VPS41: variants seen among roughly 807,000 people sequenced by gnomAD.
VPS41 encodes VPS41 subunit of HOPS complex.
Under a neutral mutation model 130.9 loss-of-function variants are expected in VPS41, and 85 were observed. The ratio of observed to expected loss-of-function variants is 0.65; its 90% CI spans 0.55 to 0.78. The LOEUF is 0.78. VPS41 is among the 30% of genes least tolerant of loss of function. The probability of loss-of-function intolerance (pLI) is 0.00; values close to 1 mark genes in which losing one functional copy is unlikely to be tolerated. For missense variants in VPS41, 874 were observed against 1,018.7 expected (o/e 0.86, Z 1.93); for synonymous variants, 335 against 332.9 (o/e 1.01, Z -0.07).
intron 4 of VPS41, among the ~76,000 whole-genome samples, chr7:38,841,332 A>G (rs1196676827): frequency 6.6e-6 from 1 of 152,228 alleles, no homozygotes; most frequent in Non-Finnish European, 1.5e-5. Flanking sequence ...ATTGATGAGA[A>G]AAGATACTTC....
At chr7:38,836,994 G>GT (rs1387235075) in intron 4 of VPS41, among the ~76,000 whole-genome samples, 1 of 152,128 alleles carries the variant, frequency 6.6e-6, no homozygotes, top group Non-Finnish European at 1.5e-5. Flanking sequence ...AGTTTCTTTT[G>GT]TAAGATACTA....
intron 2 of VPS41, among the ~76,000 whole-genome samples, chr7:38,897,561 T>A (rs1787031830): frequency 6.7e-6 from 1 of 149,050 alleles, no homozygotes; most frequent in Non-Finnish European, 1.5e-5. Flanking sequence ...AGGAGAATGG[T>A]GTGAACCTGG....
intron 17 of VPS41, among the ~76,000 whole-genome samples, chr7:38,760,798 T>C (rs1783895426): frequency 6.6e-6 from 1 of 152,126 alleles, no homozygotes; most frequent in Non-Finnish European, 1.5e-5. Context: ...AATAACTCCA[T>C]TAATACTTTA....
At chr7:38,858,101 C>T (rs1433470823) in intron 4 of VPS41, among the ~76,000 whole-genome samples, 2 of 152,256 alleles carry the variant, frequency 1.3e-5, no homozygotes, top group South Asian at 2.1e-4. Flanking sequence ...ATACGGCAAA[C>T]GTTTCCTATT....
Position 38,726,958 on chromosome 7 carries a change from A to C in VPS41, c.2435T>G (p.Phe812Cys). 6.3e-7 allele frequency: 1 copy of C among 1,592,748 alleles called. No individual in the cohort carries two copies. Among genetic ancestry groups the C allele is most frequent in the Non-Finnish European group, 8.6e-7 (1 of 1,169,428 alleles). ...CTTGTGGAACATGTGCCGGCAATGG[A>C]AGACCACCACGCTGAAGGGCTTAGC... ...DAAKPFSVVV[F>C]HCRHMFHKEC... is the part of the protein sequence containing the mutation. The change falls in exon 28 of 29, where the codon TTC becomes TGC. Residue 812 changes from phenylalanine to cysteine, a missense_variant. Phe to Cys is a radical substitution (Grantham distance 205). Coordinates refer to ENST00000310301, the MANE Select transcript of VPS41 (RefSeq NM_014396.4).
intron 4 of VPS41, among the ~76,000 whole-genome samples, chr7:38,862,310 T>C (rs1309604761): frequency 6.6e-6 from 1 of 152,178 alleles, no homozygotes. Flanking sequence ...GGAGTTTGCA[T>C]ATAAAAGATA....
At chr7:38,834,023 T>C (rs1785441187) in intron 4 of VPS41, among the ~76,000 whole-genome samples, 2 of 152,036 alleles carry the variant, frequency 1.3e-5, no homozygotes, top group South Asian at 4.2e-4. Flanking sequence ...TAATTTTCTA[T>C]ATTGATAAAA....
chr7:38,855,451 A>T (rs1318024765), intron 4 of VPS41, among the ~76,000 whole-genome samples: 1 of 152,204 alleles, frequency 6.6e-6, no homozygotes, highest in African/African-American at 2.4e-5. Context: ...GCAGCCAAAG[A>T]AAGCAACAAA....
At chr7:38,774,474 A>G (rs1431263252) in intron 11 of VPS41, among the ~76,000 whole-genome samples, 4 of 152,170 alleles carry the variant, frequency 2.6e-5, no homozygotes, top group African/African-American at 4.8e-5. Flanking sequence ...AATAGCAACT[A>G]TAAAAGATCA....
intron 7 of VPS41, among the ~76,000 whole-genome samples, chr7:38,799,393 G>A (rs1001490408): frequency 7.2e-5 from 11 of 152,044 alleles, no homozygotes; most frequent in African/African-American, 2.4e-4. Flanking sequence ...GAATTCATAT[G>A]GTAACCAGAG....
intron 17 of VPS41, among the ~76,000 whole-genome samples, chr7:38,760,265 C>G (rs2214666): frequency 1.6e-4 from 24 of 152,082 alleles, no homozygotes; most frequent in Non-Finnish European, 2.6e-4. Flanking sequence ...AAAACATCCA[C>G]GTTATTAAAT....
At chr7:38,738,932 C>T (rs1206406745) in intron 25 of VPS41, among the ~76,000 whole-genome samples, 1 of 152,192 alleles carries the variant, frequency 6.6e-6, no homozygotes, top group East Asian at 1.9e-4. Context: ...TGCTAACCTT[C>T]GGTTGAAGAG....
chr7:38,743,273 G>T, intron 24 of VPS41, 129 bp downstream of exon 24: 2 of 972,228 alleles, frequency 2.1e-6, no homozygotes, highest in South Asian at 1.6e-5. Flanking sequence ...AACACACCTG[G>T]CCTATTTTTA....
intron 5 of VPS41, among the ~76,000 whole-genome samples, chr7:38,823,140 G>A (rs1562599324): frequency 6.6e-6 from 1 of 152,194 alleles, no homozygotes; most frequent in Admixed American, 6.5e-5. Flanking sequence ...GGCCTTTAGT[G>A]AGTGATTAAA....
At chr7:38,897,026 T>A (rs957683090) in intron 2 of VPS41, among the ~76,000 whole-genome samples, 3 of 151,776 alleles carry the variant, frequency 2.0e-5, no homozygotes, top group Non-Finnish European at 2.9e-5. Context: ...AAACCCTGTC[T>A]CTACTAAAAA....
intron 10 of VPS41, among the ~76,000 whole-genome samples, chr7:38,783,664 A>G (rs1366906199): frequency 6.6e-6 from 1 of 152,236 alleles, no homozygotes; most frequent in Non-Finnish European, 1.5e-5. Flanking sequence ...AAACAGCAGC[A>G]ATAATCATGA....
At chr7:38,863,377 T>C (rs1786161742) in intron 3 of VPS41, among the ~76,000 whole-genome samples, 1 of 152,206 alleles carries the variant, frequency 6.6e-6, no homozygotes, top group African/African-American at 2.4e-5. Flanking sequence ...ATTACTCAAA[T>C]AGTCCAAAAT....
chr7:38,866,706 A>C (rs1420153465), intron 3 of VPS41, among the ~76,000 whole-genome samples: 4 of 152,236 alleles, frequency 2.6e-5, no homozygotes, highest in Non-Finnish European at 5.9e-5. Flanking sequence ...TGAGATTTAA[A>C]ACCAAGATAA....
At chr7:38,878,302 A>G (rs1481025132) in intron 2 of VPS41, among the ~76,000 whole-genome samples, 6 of 152,260 alleles carry the variant, frequency 3.9e-5, no homozygotes, top group Admixed American at 3.9e-4. Context: ...AATAAAAGCC[A>G]TTAAAGTACT....
Sources: gnomAD v4.1 joint callset for allele counts (sites outside exome capture counted in the v4.1 genomes callset) on GRCh38, gnomAD v4.1.1 for gene constraint, MANE v1.5 for transcripts, NCBI Gene and HGNC (gene_info 2026-07-23, HGNC 2026-07-21) for gene names.